Variants in SGCZ observed in about 807,000 individuals in gnomAD.
SGCZ encodes the protein sarcoglycan zeta.
A neutral mutation model predicts 41.3 loss-of-function variants in SGCZ; 40 were observed. The ratio of observed to expected loss-of-function variants is 0.97; its 90% confidence interval spans 0.75 to 1.26. SGCZ has a LOEUF of 1.26. Among genes scored for constraint, SGCZ ranks in the 50% most tolerant of loss-of-function variants. SGCZ has a pLI of 0.00. For missense variants in SGCZ, 552 were observed against 369.8 expected, an observed-to-expected ratio of 1.49 and a Z score of -4.04; for synonymous variants, 206 against 137.5, an observed-to-expected ratio of 1.50 and a Z score of -3.49.
chr8:14,908,233 T>A (rs1462418925), intron 1 of SGCZ, among the ~76,000 whole-genome samples: 1 of 152,174 alleles, frequency 6.6e-6, no homozygotes, highest in East Asian at 1.9e-4. Context: ...TTTATCTAAA[T>A]TACCTCAATT....
At chr8:15,051,773 G>T (rs1804523026) in intron 1 of SGCZ, among the ~76,000 whole-genome samples, 1 of 152,060 alleles carries the variant, frequency 6.6e-6, no homozygotes, top group Non-Finnish European at 1.5e-5. Flanking sequence ...AGCTCCCTAG[G>T]TAATTATACT....
chr8:14,823,055 T>TAAA (rs34307530), intron 1 of SGCZ, among the ~76,000 whole-genome samples: 2,300 of 75,182 alleles, frequency 0.031, 139 homozygotes, highest in African/African-American at 0.084. Context: ...CCAATCCTCA[T>TAAA]AAAAAAAAAA....
Position 14,108,160 on chromosome 8 carries a change from T to C in SGCZ, c.620+3A>G, listed in dbSNP as rs751769223. ...TGCCACAGGTATAAGAGGAAGCCCT[T>C]ACCTGAGATCTTGGGATGGCTCTGC... On this transcript the variant is annotated splice_donor_region_variant and intron_variant, in intron 6 of 7. Coordinates refer to ENST00000382080, the MANE Select transcript of SGCZ (RefSeq NM_139167.4). The C allele has an allele frequency of 1.2e-6, 2 of 1,614,058 alleles. No individual in the cohort carries two copies. The highest frequency in any genetic ancestry group is 1.7e-6 in the Non-Finnish European group (2 of 1,179,948).
intron 2 of SGCZ, among the ~76,000 whole-genome samples, chr8:14,336,471 G>T (rs915571547): frequency 2.0e-5 from 3 of 152,110 alleles, no homozygotes; most frequent in Non-Finnish European, 2.9e-5. Context: ...GGGATTTCTA[G>T]ATCTAATGAC....
At chr8:14,392,987 G>A (rs1020633910) in intron 2 of SGCZ, among the ~76,000 whole-genome samples, 4 of 151,914 alleles carry the variant, frequency 2.6e-5, no homozygotes, top group Non-Finnish European at 5.9e-5. Context: ...ATAATTTTCA[G>A]GAGATAGAAC....
At chr8:14,977,076 G>C (rs1219301195) in intron 1 of SGCZ, among the ~76,000 whole-genome samples, 2 of 152,174 alleles carry the variant, frequency 1.3e-5, no homozygotes, top group African/African-American at 4.8e-5. Flanking sequence ...ACTTCTCTCT[G>C]TTGTTCTGGT....
intron 1 of SGCZ, among the ~76,000 whole-genome samples, chr8:15,218,643 G>A (rs1330039051): frequency 6.6e-6 from 1 of 152,054 alleles, no homozygotes; most frequent in Admixed American, 6.6e-5. Flanking sequence ...TCTTCCTAGT[G>A]TACCCACATG....
chr8:14,491,918 G>C lies in SGCZ; in HGVS notation c.234+62814C>G, dbSNP rs536296235. 1.3e-4 allele frequency among the ~76,000 whole-genome samples: 20 copies of C among 152,092 alleles called. No homozygotes were observed. In the South Asian group the frequency reaches 1.9e-3, roughly 14 times the overall value. ...TACTGTAAAATCCTTTATCATCACAGAATAATAAATTGCTAGCCATTAGTT... is the reference window on the plus strand; with the variant it reads ...TACTGTAAAATCCTTTATCATCACACAATAATAAATTGCTAGCCATTAGTT... On this transcript the variant is annotated intron_variant, in intron 2 of 7. Coordinates refer to ENST00000382080, the MANE Select transcript of SGCZ (RefSeq NM_139167.4).
intron 1 of SGCZ, among the ~76,000 whole-genome samples, chr8:15,179,138 T>C (rs1266184363): frequency 6.6e-6 from 1 of 152,282 alleles, no homozygotes; most frequent in Non-Finnish European, 1.5e-5. Flanking sequence ...TAAATTTTAA[T>C]AGTCTAGAGA....
At chr8:14,647,434 A>G (rs1168073352) in intron 1 of SGCZ, among the ~76,000 whole-genome samples, 1 of 152,010 alleles carries the variant, frequency 6.6e-6, no homozygotes, top group Non-Finnish European at 1.5e-5. Context: ...CTATTTAGAG[A>G]CCTAGATTAA....
At chr8:14,639,614 T>A (rs887050146) in intron 1 of SGCZ, among the ~76,000 whole-genome samples, 3 of 151,878 alleles carry the variant, frequency 2.0e-5, no homozygotes, top group African/African-American at 7.2e-5. Flanking sequence ...TCTATTCATG[T>A]ATAGCTAATT....
chr8:14,121,086 T>G (rs565475928), intron 5 of SGCZ, among the ~76,000 whole-genome samples: 2 of 152,224 alleles, frequency 1.3e-5, no homozygotes, highest in East Asian at 3.9e-4. Flanking sequence ...AGAAATAGCC[T>G]AACGGCTAAG....
chr8:14,312,135 A>C (rs929075869), intron 3 of SGCZ, among the ~76,000 whole-genome samples: 6 of 152,178 alleles, frequency 3.9e-5, no homozygotes, highest in Non-Finnish European at 8.8e-5. Context: ...ACAATTCTTT[A>C]TACGTATATG....
chr8:14,884,956 T>C (rs1804733427), intron 1 of SGCZ, among the ~76,000 whole-genome samples: 1 of 152,118 alleles, frequency 6.6e-6, no homozygotes, highest in African/African-American at 2.4e-5. Flanking sequence ...CTGCAGGATC[T>C]TTCTTCATTC....
At chr8:14,090,797 G>T (rs1038003254) in intron 7 of SGCZ, among the ~76,000 whole-genome samples, 160 bp from the exon 8 acceptor site, 2 of 151,996 alleles carry the variant, frequency 1.3e-5, no homozygotes, top group Non-Finnish European at 2.9e-5. Context: ...CATTCCTACA[G>T]TAGAGTCCAA....
Position 14,359,830 on chromosome 8 carries a change from C to A in SGCZ, c.235-35626G>T, listed in dbSNP as rs866107605. Among the ~76,000 whole-genome samples the A allele has an allele frequency of 8.7e-3, 1,185 of 136,638 alleles. 13 individuals carry two copies. Among genetic ancestry groups the A allele is most frequent in the African/African-American group, 0.032 (1,018 of 32,276 alleles). 89.6% of individuals were successfully genotyped at this position (136,638 alleles called of 152,430 possible). A position where few individuals can be genotyped will look rare whatever the true frequency, so the allele number is the denominator to read the frequency against. ...TACAAAAAAAGAAAAAAAAAAAAAA[C>A]AAATATCCCGGATGAATACTGATGA... On this transcript the variant is annotated intron_variant, in intron 2 of 7. Transcript: ENST00000382080.
chr8:14,247,443 A>G (rs1799141869), intron 3 of SGCZ, among the ~76,000 whole-genome samples: 1 of 152,212 alleles, frequency 6.6e-6, no homozygotes, highest in Admixed American at 6.5e-5. Flanking sequence ...GGGGTAATCT[A>G]TCACTTCCTG....
intron 1 of SGCZ, among the ~76,000 whole-genome samples, chr8:15,001,379 T>C (rs910659738): frequency 2.6e-5 from 4 of 152,182 alleles, no homozygotes; most frequent in Non-Finnish European, 5.9e-5. Context: ...GCAAGTTTAC[T>C]GGGATATTTG....
Position 14,268,520 on chromosome 8 carries a change from C to A in SGCZ, c.337-30841G>T, listed in dbSNP as rs553638172. Reference sequence around the variant, plus strand: ...AAGTTAATTACTCATTGACAAGTCACAGACAGTTTTTCATAAAGCACTGGT... The same window carrying A: ...AAGTTAATTACTCATTGACAAGTCAAAGACAGTTTTTCATAAAGCACTGGT... On this transcript the variant is annotated intron_variant, in intron 3 of 7. Coordinates refer to ENST00000382080, the MANE Select transcript of SGCZ (RefSeq NM_139167.4). Among the ~76,000 whole-genome samples the A allele has an allele frequency of 8.6e-5, 13 of 151,880 alleles. No individual in the cohort carries two copies. In the South Asian group the frequency reaches 2.1e-3, roughly 24 times the overall value.
Sources: gnomAD v4.1 joint callset for allele counts (sites outside exome capture counted in the v4.1 genomes callset) on GRCh38, gnomAD v4.1.1 for gene constraint, MANE v1.5 for transcripts, NCBI Gene and HGNC (gene_info 2026-07-23, HGNC 2026-07-21) for gene names.